Variants in AKAP19 observed in about 807,000 individuals in gnomAD.
AKAP19 encodes small A-kinase anchoring protein.
the AKAP19 span, chr2:190,200,075 A>ATGCCT: frequency 6.2e-7 from 1 of 1,614,102 alleles, no homozygotes. Flanking sequence ...ATCTTGTGTG[A>ATGCCT]TGCCTTGCAG....
At chr2:190,106,133 G>C in the AKAP19 span, among the ~76,000 whole-genome samples, 1 of 152,138 alleles carries the variant, frequency 6.6e-6, no homozygotes, top group Non-Finnish European at 1.5e-5. Context: ...TATTTATAAG[G>C]CATGTGAGAC....
the AKAP19 span, among the ~76,000 whole-genome samples, chr2:190,175,258 T>C: frequency 6.6e-6 from 1 of 152,230 alleles, no homozygotes; most frequent in Admixed American, 6.5e-5. Flanking sequence ...AGATCTTGTA[T>C]AGGAAGATGA....
At chr2:190,036,267 A>C in the AKAP19 span, among the ~76,000 whole-genome samples, 1 of 152,202 alleles carries the variant, frequency 6.6e-6, no homozygotes, top group Non-Finnish European at 1.5e-5. Flanking sequence ...AGCCTTGCCA[A>C]CTATACGCTC....
chr2:190,108,783 G>GTTT, the AKAP19 span, among the ~76,000 whole-genome samples: 7 of 135,674 alleles, frequency 5.2e-5, no homozygotes, highest in South Asian at 2.4e-4. Context: ...CCTGTTTGCG[G>GTTT]TTTTTTTTTT....
the AKAP19 span, among the ~76,000 whole-genome samples, chr2:190,009,761 C>T: frequency 1.3e-5 from 2 of 151,724 alleles, no homozygotes. Flanking sequence ...TATGGACAAA[C>T]TGAGTAGATA....
At chr2:190,144,088 G>A in the AKAP19 span, among the ~76,000 whole-genome samples, 114 of 149,248 alleles carry the variant, frequency 7.6e-4, no homozygotes, top group Non-Finnish European at 1.5e-3. Context: ...GAGTTAGTGG[G>A]TGCAGCACAC....
At chr2:190,181,150 G>C in the AKAP19 span, 1 of 985,568 alleles carries the variant, frequency 1.0e-6, no homozygotes, top group Non-Finnish European at 1.2e-6. Context: ...GTGAAGGGCG[G>C]GTGTCTGTCG....
the AKAP19 span, among the ~76,000 whole-genome samples, chr2:189,973,321 C>A: frequency 7.2e-5 from 11 of 152,186 alleles, no homozygotes; most frequent in African/African-American, 2.6e-4. Flanking sequence ...GCCTTCCATC[C>A]CAGGGATGAA....
At chr2:190,011,645 A>G in the AKAP19 span, among the ~76,000 whole-genome samples, 1 of 152,198 alleles carries the variant, frequency 6.6e-6, no homozygotes, top group African/African-American at 2.4e-5. Context: ...ATTTTTCTGT[A>G]TATGGATATC....
At chr2:189,954,986 T>G in the AKAP19 span, among the ~76,000 whole-genome samples, 1 of 152,216 alleles carries the variant, frequency 6.6e-6, no homozygotes, top group Admixed American at 6.5e-5. Context: ...ACAAGTACAG[T>G]GGTGTTACAT....
the AKAP19 span, among the ~76,000 whole-genome samples, chr2:190,038,378 G>A: frequency 6.6e-6 from 1 of 152,130 alleles, no homozygotes; most frequent in Non-Finnish European, 1.5e-5. Flanking sequence ...GAGAGGTCAG[G>A]ATCTAGTGTA....
chr2:190,198,421 A>C, the AKAP19 span, among the ~76,000 whole-genome samples: 13 of 152,172 alleles, frequency 8.5e-5, no homozygotes, highest in African/African-American at 2.6e-4. Flanking sequence ...TGGGCAGATC[A>C]CTTGACCCCG....
At chr2:190,198,299 C>CAAACT in the AKAP19 span, among the ~76,000 whole-genome samples, 6 of 152,184 alleles carry the variant, frequency 3.9e-5, no homozygotes, top group East Asian at 3.9e-4. Context: ...TCCTTAATTA[C>CAAACT]AAACTATTAA....
At chr2:189,894,780 T>C in the AKAP19 span, among the ~76,000 whole-genome samples, 2 of 151,456 alleles carry the variant, frequency 1.3e-5, no homozygotes, top group Non-Finnish European at 2.9e-5. Context: ...ATTTTCTTAA[T>C]GTGAAAGTTT....
chr2:190,068,208 A>G, the AKAP19 span, among the ~76,000 whole-genome samples: 2 of 152,128 alleles, frequency 1.3e-5, no homozygotes, highest in African/African-American at 4.8e-5. Flanking sequence ...TTGTCCTCTA[A>G]TCCCTACCCT....
the AKAP19 span, among the ~76,000 whole-genome samples, chr2:189,911,022 T>G: frequency 6.6e-6 from 1 of 152,194 alleles, no homozygotes; most frequent in Non-Finnish European, 1.5e-5. Flanking sequence ...ATTTACATAT[T>G]GATAAAAAGT....
the AKAP19 span, among the ~76,000 whole-genome samples, chr2:190,074,409 T>C: frequency 1.3e-5 from 2 of 152,004 alleles, no homozygotes; most frequent in Non-Finnish European, 2.9e-5. Context: ...TCCCAGCACT[T>C]TGGGAAGCTG....
chr2:189,919,029 T>G, the AKAP19 span, among the ~76,000 whole-genome samples: 1 of 152,236 alleles, frequency 6.6e-6, no homozygotes, highest in African/African-American at 2.4e-5. Context: ...CTGGAAATAA[T>G]TCATAAGTTT....
chr2:189,954,532 A>C, the AKAP19 span, among the ~76,000 whole-genome samples: 619 of 152,340 alleles, frequency 4.1e-3, 6 homozygotes, highest in African/African-American at 0.014. Flanking sequence ...TTTATATCCT[A>C]CTGCTCAAGG....
Sources: allele counts gnomAD v4.1 joint callset (sites outside exome capture counted in the v4.1 genomes callset), GRCh38; gene constraint gnomAD v4.1.1; transcripts MANE v1.5; gene names NCBI Gene and HGNC (gene_info 2026-07-23, HGNC 2026-07-21).